NCBP3: variants seen among roughly 807,000 people sequenced by gnomAD.
NCBP3 encodes the protein nuclear cap binding subunit 3.
In NCBP3, 20 loss-of-function variants were observed where a neutral mutation model predicts 75.7. That is an observed-to-expected ratio of 0.26 (90% confidence interval 0.19 to 0.38). NCBP3 has a LOEUF of 0.38. Among genes scored for constraint, NCBP3 ranks in the 10% least tolerant of loss-of-function variants. The pLI is 1.00. For synonymous variants in NCBP3, 293 were observed against 290.5 expected (o/e 1.01, Z -0.09); for missense variants, 678 against 796.9 (o/e 0.85, Z 1.80).
At chr17:3,813,416 C>T in intron 12 of NCBP3, 137 bp from the exon 13 acceptor site, 1 of 1,084,594 alleles carries the variant, frequency 9.2e-7, no homozygotes, top group Non-Finnish European at 1.3e-6. Context: ...ACAGTGCAGC[C>T]TTGGGCAGGC....
In NCBP3 at chr17:3,811,118, T is replaced by C. The variant is rs950035440; in HGVS notation, c.*1926A>G. ...ATTCATGCTGGCGAGCCCACTGCCG[T>C]CACAGCTTGGGAAGAGTAAACCGCC... On this transcript the variant is annotated 3_prime_UTR_variant, in exon 13 of 13. Coordinates refer to ENST00000389005, the MANE Select transcript of NCBP3 (RefSeq NM_001114118.3). 3.3e-5 allele frequency: 5 copies of C among 152,194 alleles called. No individual in the cohort carries two copies. Among genetic ancestry groups the C allele is most frequent in the Admixed American group, 3.3e-4 (5 of 15,268 alleles). 9.4% of individuals were successfully genotyped at this position (152,194 alleles called of 1,614,324 possible).
chr17:3,810,584 C>T lies in NCBP3; in HGVS notation c.*2460G>A. On this transcript the variant is annotated 3_prime_UTR_variant, in exon 13 of 13. Coordinates refer to ENST00000389005, the MANE Select transcript of NCBP3 (RefSeq NM_001114118.3). ...ACTATCCATTCTTACTCTTAAACTC[C>T]AAAGAAAAGGCCTCATCATTCAGGA... 1 of 152,172 alleles carries T rather than the reference C, an allele frequency of 6.6e-6. No individual in the cohort carries two copies. The highest frequency in any genetic ancestry group is 1.9e-4 in the East Asian group (1 of 5,200). The allele number at this position is 152,172 out of a possible 1,614,324, so 9.4% of individuals were successfully genotyped here.
Position 3,833,974 on chromosome 17 carries a change from C to T in NCBP3, c.356-4606G>A, listed in dbSNP as rs556429193. On this transcript the variant is annotated intron_variant, in intron 3 of 12. Transcript: ENST00000389005. ...TCTCTTTACTTCCCTTAGGCTGTTT[C>T]TGTTCCAAAGTCATGGCTTTTAATT... Among the ~76,000 whole-genome samples the T allele has an allele frequency of 2.6e-5, 4 of 152,302 alleles. No individual in the cohort carries two copies. The East Asian group carries it at 7.7e-4, about 29-fold the overall frequency.
intron 11 of NCBP3, 91 bp from the exon 12 acceptor site, chr17:3,814,574 C>G (rs1406211571): frequency 4.4e-6 from 6 of 1,366,854 alleles, no homozygotes; most frequent in Admixed American, 2.2e-5. Context: ...CTGGCGCTAA[C>G]CCCTGCCCCG....
At chr17:3,845,560 A>C (rs991832367) in intron 1 of NCBP3, among the ~76,000 whole-genome samples, 2 of 152,164 alleles carry the variant, frequency 1.3e-5, no homozygotes, top group African/African-American at 4.8e-5. Flanking sequence ...TCTGCTGCTG[A>C]CAAGTGCAGC....
intron 7 of NCBP3, chr17:3,823,890 C>T (rs2053720011): frequency 6.6e-6 from 1 of 152,188 alleles, no homozygotes; most frequent in South Asian, 2.1e-4. Flanking sequence ...GACATCGCTT[C>T]TGTGGCACGC....
At chr17:3,820,140 A>G (rs2053635145) in intron 9 of NCBP3, among the ~76,000 whole-genome samples, 1 of 152,092 alleles carries the variant, frequency 6.6e-6, no homozygotes, top group Admixed American at 6.6e-5. Flanking sequence ...TGTAACGACA[A>G]GGTCTCACTA....
chr17:3,810,041 G>A lies in NCBP3; in HGVS notation c.*3003C>T, dbSNP rs1703926118. The A allele has an allele frequency of 6.6e-6, 1 of 152,178 alleles. No homozygotes were observed. Among genetic ancestry groups the A allele is most frequent in the Admixed American group, 6.5e-5 (1 of 15,268 alleles). The allele number at this position is 152,178 out of a possible 1,614,324, so 9.4% of individuals were successfully genotyped here. On this transcript the variant is annotated 3_prime_UTR_variant, in exon 13 of 13. Transcript: ENST00000389005. ...AGGGAGAATTGCTAATGGACTCAGG[G>A]TTTCTTTGGGTGATCAAAGTGTTTT...
chr17:3,837,632 G>C (rs182624209), intron 3 of NCBP3, among the ~76,000 whole-genome samples: 7 of 151,450 alleles, frequency 4.6e-5, no homozygotes, highest in Admixed American at 1.3e-4. Flanking sequence ...TACTCGGGAG[G>C]CTGGGGCAGG....
chr17:3,822,116 T>G lies in NCBP3; in HGVS notation c.797-64A>C, dbSNP rs185164358. On this transcript the variant is annotated intron_variant, in intron 7 of 12. Coordinates refer to ENST00000389005, the MANE Select transcript of NCBP3 (RefSeq NM_001114118.3). ...GAGTGTAAAGACAATGTTGAATTTT[T>G]TTTTTAATGTTTTCCATAGCTGGAA... 1.6e-3 allele frequency: 1,779 copies of G among 1,118,830 alleles called. 5 individuals carry two copies. The highest frequency in any genetic ancestry group is 1.5e-3 in the Non-Finnish European group (1,150 of 756,130). The allele number at this position is 1,118,830 out of a possible 1,614,324, so 69.3% of individuals were successfully genotyped here.
chr17:3,820,119 T>C (rs1007336556), intron 9 of NCBP3, among the ~76,000 whole-genome samples: 8 of 152,122 alleles, frequency 5.3e-5, no homozygotes, highest in Non-Finnish European at 1.0e-4. Flanking sequence ...CTGGCTAATT[T>C]TTTAATTTTT....
At chr17:3,815,283 C>G (rs1303875827) in intron 11 of NCBP3, among the ~76,000 whole-genome samples, 1 of 152,186 alleles carries the variant, frequency 6.6e-6, no homozygotes, top group African/African-American at 2.4e-5. Context: ...ATCAGGTTTG[C>G]CAACAGAGAT....
Position 3,821,946 on chromosome 17 carries a change from G to C in NCBP3, c.896+7C>G. On this transcript the variant is annotated splice_region_variant and intron_variant, in intron 8 of 12. Coordinates refer to ENST00000389005, the MANE Select transcript of NCBP3 (RefSeq NM_001114118.3). The stretch of plus-strand genomic sequence containing the variant: ...AATACTATTGCATTTGAAGGTTTTG[G>C]ACTCACCATGAATTGCTAAGAATTC... 1 of 1,578,620 alleles carries C rather than the reference G, an allele frequency of 6.3e-7. No individual in the cohort carries two copies. The highest frequency in any genetic ancestry group is 1.7e-5 in the Admixed American group (1 of 59,236).
chr17:3,810,463 T>C lies in NCBP3; in HGVS notation c.*2581A>G, dbSNP rs1484326371. On this transcript the variant is annotated 3_prime_UTR_variant, in exon 13 of 13. Coordinates refer to ENST00000389005, the MANE Select transcript of NCBP3 (RefSeq NM_001114118.3). ...ATGTAAAATCTCCTACACATAAGAC[T>C]AAGAGGAACACACAAAGTGTGCAGC... The C allele has an allele frequency of 6.6e-6, 1 of 152,136 alleles. No homozygotes were observed. The highest frequency in any genetic ancestry group is 2.4e-5 in the African/African-American group (1 of 41,440). The allele number at this position is 152,136 out of a possible 1,614,324, so 9.4% of individuals were successfully genotyped here.
intron 7 of NCBP3, 118 bp downstream of exon 7, chr17:3,824,824 T>C (rs917469668): frequency 3.7e-6 from 2 of 542,722 alleles, no homozygotes; most frequent in Non-Finnish European, 6.3e-6. Context: ...CAGAATATTA[T>C]AGTTTGAAGG....
In NCBP3 at chr17:3,803,133, C is replaced by CAA. The variant is rs1325257918; in HGVS notation, c.*9909_*9910dup. 6.6e-6 allele frequency: 1 copy of CAA among 152,206 alleles called. No homozygotes were observed. Among genetic ancestry groups the CAA allele is most frequent in the Admixed American group, 6.5e-5 (1 of 15,284 alleles). 9.4% of individuals were successfully genotyped at this position (152,206 alleles called of 1,614,324 possible). On this transcript the variant is annotated 3_prime_UTR_variant, in exon 13 of 13. Transcript: ENST00000389005. Reference sequence around the variant, plus strand: ...ACGCAGCACAAGGCTGGCTGTTTGACAAATACACACATAACCAAAAGACAT... The same window carrying CAA: ...ACGCAGCACAAGGCTGGCTGTTTGACAAAAATACACACATAACCAAAAGACAT...
At chr17:3,833,412 G>T (rs1024843778) in intron 3 of NCBP3, among the ~76,000 whole-genome samples, 16 of 152,126 alleles carry the variant, frequency 1.1e-4, no homozygotes, top group African/African-American at 3.9e-4. Flanking sequence ...CCCAGCGCCT[G>T]CATCTCTCTC....
chr17:3,819,106 C>T (rs1429796715), intron 9 of NCBP3, among the ~76,000 whole-genome samples: 4 of 152,066 alleles, frequency 2.6e-5, no homozygotes, highest in African/African-American at 7.2e-5. Context: ...AGTGTCGTGC[C>T]GAAGTGCTGC....
At chr17:3,819,885 T>C (rs1278138149) in intron 9 of NCBP3, among the ~76,000 whole-genome samples, 2 of 152,176 alleles carry the variant, frequency 1.3e-5, no homozygotes, top group Non-Finnish European at 2.9e-5. Context: ...ATATAAAAAG[T>C]ATATGATGAA....
Sources: gnomAD v4.1 joint callset for allele counts (sites outside exome capture counted in the v4.1 genomes callset) on GRCh38, gnomAD v4.1.1 for gene constraint, MANE v1.5 for transcripts, NCBI Gene and HGNC (gene_info 2026-07-23, HGNC 2026-07-21) for gene names.